Variants in TUB observed in about 807,000 individuals in gnomAD.
TUB encodes TUB bipartite transcription factor.
Under a neutral mutation model 59.7 loss-of-function variants are expected in TUB, and 33 were observed. That is an observed-to-expected ratio of 0.55 (90% CI 0.42 to 0.74). The LOEUF is 0.74. Among genes scored for constraint, TUB ranks in the 30% least tolerant of loss-of-function variants. TUB has a pLI of 0.00. For missense variants in TUB, 659 were observed against 672.0 expected (o/e 0.98, Z 0.21); for synonymous variants, 293 against 256.4 (o/e 1.14, Z -1.36).
At chr11:8,038,903 C>T in exon 1 of TUB, 1 of 1,614,116 alleles carries the variant, frequency 6.2e-7, no homozygotes, top group Non-Finnish European at 8.5e-7. Flanking sequence ...TGCCTTCTTT[C>T]TGGGTTTCTT....
chr11:8,064,858 T>A (rs1943206461), intron 2 of TUB, among the ~76,000 whole-genome samples: 1 of 152,176 alleles, frequency 6.6e-6, no homozygotes, highest in Admixed American at 6.5e-5. Context: ...GGATTTGAAG[T>A]CAGCAATTTA....
Position 8,097,606 on chromosome 11 carries a change from T to A in TUB, c.886-108T>A, listed in dbSNP as rs76884222. 4,974 of 1,300,706 alleles carry A rather than the reference T, an allele frequency of 3.8e-3. 143 individuals are homozygous for A. In the African/African-American group the frequency reaches 0.064, roughly 17 times the overall value. The allele number at this position is 1,300,706 out of a possible 1,614,324, so 80.6% of individuals were successfully genotyped here. ...CAGTGCATTTGTGTGTGTGCACATA[T>A]GTGCGTTTGGGAGCTGACGCAACGG... On this transcript the variant is annotated intron_variant, in intron 7 of 11. Coordinates refer to ENST00000299506, the MANE Select transcript of TUB (RefSeq NM_177972.3).
chr11:8,080,210 G>A (rs1943521204), upstream of TUB, among the ~76,000 whole-genome samples: 1 of 152,242 alleles, frequency 6.6e-6, no homozygotes. Context: ...GGTTGGCGCG[G>A]CAGAATCCAG....
rs532376947 is a variant in TUB at position 8,064,428 on chromosome 11, AT to A, written c.203+24737del. ...GTAGTACACTTGCCTGTTGATCCTA[AT>A]GAGCATCCAGGAGCTGCACCAAGAG... On this transcript the variant is annotated intron_variant, in intron 2 of 12. Coordinates refer to the TUB transcript ENST00000305253. 4.2e-3 allele frequency among the ~76,000 whole-genome samples: 643 copies of A among 152,274 alleles called. 1 individual carries two copies. The highest frequency in any genetic ancestry group is 0.015 in the African/African-American group (617 of 41,552).
intron 1 of TUB, among the ~76,000 whole-genome samples, chr11:8,023,063 C>T (rs1023531685): frequency 6.6e-6 from 1 of 152,194 alleles, no homozygotes; most frequent in Non-Finnish European, 1.5e-5. Flanking sequence ...TGGGCTTGCT[C>T]ACATATCTGG....
intron 2 of TUB, among the ~76,000 whole-genome samples, chr11:8,047,983 A>G (rs1942863115): frequency 6.6e-6 from 1 of 151,606 alleles, no homozygotes; most frequent in Non-Finnish European, 1.5e-5. Context: ...CTTCACTGTC[A>G]TTTGATTACA....
At chr11:8,045,244 A>C (rs1184108860) in intron 2 of TUB, among the ~76,000 whole-genome samples, 1 of 152,098 alleles carries the variant, frequency 6.6e-6, no homozygotes, top group East Asian at 1.9e-4. Flanking sequence ...AAAGTGGCTT[A>C]TTGAGAATAA....
At position 8,098,742 on chromosome 11, in the gene TUB, T is replaced by G. The variant is rs1482986522; in HGVS notation, c.999-16T>G. 1 of 1,590,526 alleles carries G rather than the reference T, an allele frequency of 6.3e-7. No homozygotes were observed. Among genetic ancestry groups the G allele is most frequent in the Non-Finnish European group, 8.6e-7 (1 of 1,158,814 alleles). ...AGAGGGTGCATGACTCTATACTGAT[T>G]GTGCCTTTATTTCAGGTCCAACTTG... On this transcript the variant is annotated splice_polypyrimidine_tract_variant and intron_variant, in intron 8 of 11. Transcript: ENST00000299506.
At chr11:8,070,650 G>A (rs979026102) in intron 2 of TUB, among the ~76,000 whole-genome samples, 2 of 152,180 alleles carry the variant, frequency 1.3e-5, no homozygotes, top group African/African-American at 2.4e-5. Flanking sequence ...AATACAAGTA[G>A]TTGGGCCCTC....
At chr11:8,029,257 A>G (rs981797064) in intron 1 of TUB, among the ~76,000 whole-genome samples, 1 of 152,208 alleles carries the variant, frequency 6.6e-6, no homozygotes, top group Non-Finnish European at 1.5e-5. Context: ...TTGAAGAAGT[A>G]GCCAAATTCT....
intron 1 of TUB, among the ~76,000 whole-genome samples, chr11:8,028,150 T>A (rs1037245650): frequency 2.6e-5 from 4 of 152,224 alleles, no homozygotes; most frequent in Non-Finnish European, 2.9e-5. Flanking sequence ...GCCATCCTAG[T>A]ATAGTCTAGG....
In TUB at chr11:8,098,818, C is replaced by A. The variant is rs770398292; in HGVS notation, c.1059C>A (p.Ala353=). Residue 353 remains alanine (A), a synonymous_variant, in exon 9 of 12, where the codon GCC becomes GCA. Transcript: ENST00000299506. ...ACAATGGAGTCAACCCTCAGAAGGC[C>A]TCATCCTCCACTTTGGAAAGTGGAA... ...VYDNGVNPQK[A]SSSTLESGTL... 6.2e-7 allele frequency: 1 copy of A among 1,614,198 alleles called. No individual in the cohort carries two copies. Among genetic ancestry groups the A allele is most frequent in the South Asian group, 1.1e-5 (1 of 91,080 alleles).
rs780527595 is a variant in TUB, at chr11:8,094,006, C to T, written c.254-40C>T. On this transcript the variant is annotated intron_variant, in intron 3 of 11. Transcript: ENST00000299506. ...GTGGGAGCTCTGGTCTCACCCACTG[C>T]CTGTTTCTCTCTCTCCATCTGGGGA... The T allele has an allele frequency of 3.1e-6, 5 of 1,613,614 alleles. No individual in the cohort carries two copies. In the East Asian group the frequency reaches 1.1e-4, roughly 36 times the overall value.
At position 8,045,379 on chromosome 11, in the gene TUB, T is replaced by C. The variant is rs1432547248; in HGVS notation, c.203+5687T>C. Among the ~76,000 whole-genome samples, 3 of 152,248 alleles carry C rather than the reference T, an allele frequency of 2.0e-5. No individual in the cohort carries two copies. In the South Asian group the frequency reaches 6.2e-4, roughly 32 times the overall value. The stretch of plus-strand genomic sequence containing the variant: ...TGGTGATTGATTTTTCTCCTAGTTA[T>C]GCATCTTCTCCTCCTCCTTTTTTGA... On this transcript the variant is annotated intron_variant, in intron 2 of 12. Transcript: ENST00000305253.
At chr11:8,037,624 A>G (rs1434322112), upstream of TUB, among the ~76,000 whole-genome samples, 3 of 152,176 alleles carry the variant, frequency 2.0e-5, no homozygotes, top group Admixed American at 6.5e-5. Flanking sequence ...TTACAAGAGC[A>G]TGGCTGAGGA....
In TUB at chr11:8,104,199, G is replaced by GTCTT. The variant is rs1944426179; in HGVS notation, c.*2582_*2585dup. On this transcript the variant is annotated 3_prime_UTR_variant, in exon 12 of 12. Transcript: ENST00000299506. The stretch of plus-strand genomic sequence containing the variant: ...TTCATACCCTCTACCTGGATGGATG[G>GTCTT]TCTTTGGGCAGGGAATTAATGACAG... The GTCTT allele has an allele frequency of 6.6e-6, 1 of 152,242 alleles. No individual in the cohort carries two copies. Among genetic ancestry groups the GTCTT allele is most frequent in the South Asian group, 2.1e-4 (1 of 4,832 alleles). 9.4% of individuals were successfully genotyped at this position (152,242 alleles called of 1,614,324 possible).
intron 2 of TUB, among the ~76,000 whole-genome samples, chr11:8,058,035 C>A (rs571604647): frequency 1.3e-5 from 2 of 151,644 alleles, no homozygotes; most frequent in Non-Finnish European, 2.9e-5. Context: ...CATGGTGAGA[C>A]CCCCATCTCT....
At chr11:8,093,121 G>T (rs1384868359) in intron 3 of TUB, among the ~76,000 whole-genome samples, 1 of 152,126 alleles carries the variant, frequency 6.6e-6, no homozygotes, top group Non-Finnish European at 1.5e-5. Flanking sequence ...TTGCTTTGTG[G>T]AAGGAAGCCA....
upstream of TUB, among the ~76,000 whole-genome samples, chr11:8,034,734 C>T (rs191647732): frequency 6.6e-6 from 1 of 152,316 alleles, no homozygotes; most frequent in East Asian, 1.9e-4. Context: ...CCAGCTTCTT[C>T]CCTGCCCACC....
Sources: allele counts gnomAD v4.1 joint callset (sites outside exome capture counted in the v4.1 genomes callset), GRCh38; gene constraint gnomAD v4.1.1; transcripts MANE v1.5; gene names NCBI Gene and HGNC (gene_info 2026-07-23, HGNC 2026-07-21).